The following TRA2A variants were observed in gnomAD, a reference collection of about 807,000 sequenced individuals.
TRA2A encodes the protein transformer-2 protein homolog alpha.
Under a neutral mutation model 45.7 loss-of-function variants are expected in TRA2A, and 31 were observed. The ratio of observed to expected loss-of-function variants is 0.68; its 90% CI spans 0.51 to 0.92. The LOEUF (loss-of-function observed/expected upper bound fraction) is 0.92, where lower values mean the gene tolerates loss of function less well. TRA2A is among the 40% of genes least tolerant of loss of function. The pLI is 0.00. For synonymous variants in TRA2A, 132 were observed against 126.2 expected, an observed-to-expected ratio of 1.05 and a Z score of -0.31; for missense variants, 304 against 367.5, an observed-to-expected ratio of 0.83 and a Z score of 1.41.
intron 2 of TRA2A, among the ~76,000 whole-genome samples, chr7:23,519,153 G>A (rs1790021560): frequency 6.6e-6 from 1 of 152,146 alleles, no homozygotes; most frequent in Non-Finnish European, 1.5e-5. Flanking sequence ...CAGCCCTTTG[G>A]GAGGCCGAGG....
At chr7:23,529,577 A>G (rs1790484769) in intron 1 of TRA2A, among the ~76,000 whole-genome samples, 1 of 152,218 alleles carries the variant, frequency 6.6e-6, no homozygotes, top group South Asian at 2.1e-4. Context: ...GATTTTAAAA[A>G]GGGCATCTCC....
At chr7:23,506,050 G>A in intron 6 of TRA2A, 88 bp downstream of exon 6, 1 of 1,199,902 alleles carries the variant, frequency 8.3e-7, no homozygotes, top group East Asian at 2.4e-5. Context: ...TAAAAATCAA[G>A]TTTTTATTCA....
chr7:23,520,180 C>T (rs966719846), intron 2 of TRA2A, among the ~76,000 whole-genome samples: 3 of 152,218 alleles, frequency 2.0e-5, no homozygotes, highest in African/African-American at 7.2e-5. Flanking sequence ...CGTGCCACTG[C>T]ACTGCAGGCT....
intron 5 of TRA2A, chr7:23,507,154 C>A: frequency 2.4e-6 from 1 of 424,548 alleles, no homozygotes; most frequent in Non-Finnish European, 4.2e-6. Context: ...GAGAAAGAGT[C>A]TCACTCTGTT....
At chr7:23,510,063 CA>C (rs1045163256) in intron 4 of TRA2A, among the ~76,000 whole-genome samples, 4 of 151,692 alleles carry the variant, frequency 2.6e-5, no homozygotes, top group African/African-American at 9.7e-5. Context: ...AAACAAACAA[CA>C]AAAAAAGAAA....
intron 1 of TRA2A, 53 bp from the exon 2 acceptor site, chr7:23,521,893 C>G: frequency 6.2e-7 from 1 of 1,606,218 alleles, no homozygotes; most frequent in Non-Finnish European, 8.5e-7. Context: ...ATGCCTAACA[C>G]CTAACATTTA....
intron 2 of TRA2A, among the ~76,000 whole-genome samples, chr7:23,521,237 T>C (rs1790122436): frequency 6.6e-6 from 1 of 151,942 alleles, no homozygotes; most frequent in Admixed American, 6.6e-5. Context: ...CAGCATAGCA[T>C]ACACACATCA....
At chr7:23,517,477 C>CAAAAAAAAAA (rs70954385) in intron 2 of TRA2A, among the ~76,000 whole-genome samples, 471 of 13,906 alleles carry the variant, frequency 0.034, 86 homozygotes, top group Non-Finnish European at 0.053. Flanking sequence ...GACTACGTCT[C>CAAAAAAAAAA]AAAAAAAAAA....
At chr7:23,506,012 T>C (rs1363838376) in intron 6 of TRA2A, 126 bp downstream of exon 6, 1 of 881,942 alleles carries the variant, frequency 1.1e-6, no homozygotes, top group African/African-American at 1.7e-5. Context: ...TAACTTCTGC[T>C]CCCAAAGGCG....
chr7:23,521,860 T>C lies in TRA2A; in HGVS notation c.37-20A>G. ...AGACTCCTAACAAAGAAGACAGTAT[T>C]ACAAATGGCACTGGTCATGTAGATG... On this transcript the variant is annotated intron_variant, in intron 1 of 7. Transcript: ENST00000297071. The C allele has an allele frequency of 6.2e-7, 1 of 1,614,028 alleles. No homozygotes were observed. Among genetic ancestry groups the C allele is most frequent in the South Asian group, 1.1e-5 (1 of 91,080 alleles).
In TRA2A at chr7:23,531,972, C is replaced by A. The variant is rs1041816906; in HGVS notation, c.-148G>T. On this transcript the variant is annotated 5_prime_UTR_variant, in exon 1 of 8. Transcript: ENST00000297071. ...CTCCACTCCCACTCGGTCGCAGGCTCCAGCAAAATGGCGCCGGCGCCGCCA... is the reference window on the plus strand; with the variant it reads ...CTCCACTCCCACTCGGTCGCAGGCTACAGCAAAATGGCGCCGGCGCCGCCA... 7.3e-6 allele frequency: 6 copies of A among 822,976 alleles called. No individual in the cohort carries two copies. Among genetic ancestry groups the A allele is most frequent in the Non-Finnish European group, 1.1e-5 (6 of 525,716 alleles). The allele number at this position is 822,976 out of a possible 1,614,324, so 51.0% of individuals were successfully genotyped here.
chr7:23,516,308 G>T, intron 3 of TRA2A, 55 bp downstream of exon 3: 1 of 1,587,752 alleles, frequency 6.3e-7, no homozygotes. Flanking sequence ...GATATGCCAT[G>T]ACTAAACACA....
At chr7:23,518,111 A>T (rs542983985) in intron 2 of TRA2A, among the ~76,000 whole-genome samples, 275 of 151,556 alleles carry the variant, frequency 1.8e-3, no homozygotes, top group Middle Eastern at 6.8e-3. Flanking sequence ...GCTAATTTTT[A>T]TATTTTCTGT....
chr7:23,524,997 A>G (rs1419292173), intron 1 of TRA2A, among the ~76,000 whole-genome samples: 2 of 152,146 alleles, frequency 1.3e-5, no homozygotes, highest in African/African-American at 2.4e-5. Context: ...GCTTCATTTT[A>G]ACTTTCAAAA....
chr7:23,531,386 C>A, intron 1 of TRA2A: 1 of 373,722 alleles, frequency 2.7e-6, no homozygotes, highest in Non-Finnish European at 3.9e-6. Context: ...TGCTCGGGGT[C>A]GCCAGAAATG....
intron 3 of TRA2A, among the ~76,000 whole-genome samples, chr7:23,515,312 C>T (rs1044463422): frequency 6.8e-6 from 1 of 147,666 alleles, no homozygotes; most frequent in Non-Finnish European, 1.5e-5. Context: ...TCACTGCAAG[C>T]TCTGCCTCCC....
chr7:23,530,946 G>T (rs1790554962), intron 1 of TRA2A, among the ~76,000 whole-genome samples: 1 of 151,472 alleles, frequency 6.6e-6, no homozygotes, highest in African/African-American at 2.4e-5. Flanking sequence ...GTAAAGGAGT[G>T]GTCAGTTTTT....
intron 3 of TRA2A, among the ~76,000 whole-genome samples, chr7:23,516,108 C>A (rs762923646): frequency 2.6e-5 from 4 of 152,050 alleles, no homozygotes; most frequent in Non-Finnish European, 5.9e-5. Flanking sequence ...CCCCTGCACT[C>A]CAGCCTGGGA....
chr7:23,510,391 A>G (rs1789545310), intron 4 of TRA2A, among the ~76,000 whole-genome samples: 1 of 152,084 alleles, frequency 6.6e-6, no homozygotes, highest in Admixed American at 6.6e-5. Context: ...GTGAAGTGGC[A>G]CAAACTTAGC....
Sources: allele counts gnomAD v4.1 joint callset (sites outside exome capture counted in the v4.1 genomes callset), GRCh38; gene constraint gnomAD v4.1.1; transcripts MANE v1.5; gene names NCBI Gene and HGNC (gene_info 2026-07-23, HGNC 2026-07-21).